The following OXSR1 variants were observed in gnomAD, a reference collection of about 807,000 sequenced individuals.
OXSR1 encodes the protein oxidative stress responsive kinase 1.
OXSR1 carries 24 observed loss-of-function variants against 79.8 expected under a neutral mutation model. The observed-to-expected ratio is 0.30, with a 90% CI of 0.22 to 0.42. The LOEUF (loss-of-function observed/expected upper bound fraction) is 0.42, where lower values mean the gene tolerates loss of function less well. Ranked by LOEUF, OXSR1 falls within the 10% of genes least tolerant of loss-of-function variation. The probability of loss-of-function intolerance (pLI) is 1.00; values close to 1 mark genes in which losing one functional copy is unlikely to be tolerated. For missense variants in OXSR1, 430 were observed against 618.4 expected (o/e 0.70, Z 3.23); for synonymous variants, 226 against 209.2 (o/e 1.08, Z -0.69).
At chr3:38,242,505 G>A (rs1011964099) in intron 11 of OXSR1, among the ~76,000 whole-genome samples, 3 of 152,034 alleles carry the variant, frequency 2.0e-5, no homozygotes, top group South Asian at 2.1e-4. Flanking sequence ...TTTAAAATAC[G>A]GAATTTTAAA....
chr3:38,255,276 C>T lies in OXSR1; in HGVS notation c.*2385C>T, dbSNP rs1187381912. The T allele has an allele frequency of 6.6e-6, 1 of 152,506 alleles. No homozygotes were observed. Among genetic ancestry groups the T allele is most frequent in the African/African-American group, 2.4e-5 (1 of 41,404 alleles). 9.4% of individuals were successfully genotyped at this position (152,506 alleles called of 1,614,324 possible). A position where few individuals can be genotyped will look rare whatever the true frequency, so the allele number is the denominator to read the frequency against. ...GACTAAAGGATTTGTTGGGTTTTTG[C>T]TTAAGTTTTGAACCAAATCCTAGAG... On this transcript the variant is annotated 3_prime_UTR_variant, in exon 18 of 18. Transcript: ENST00000311806.
At chr3:38,179,057 G>T (rs1325089246) in intron 1 of OXSR1, among the ~76,000 whole-genome samples, 2 of 147,188 alleles carry the variant, frequency 1.4e-5, no homozygotes, top group Non-Finnish European at 3.0e-5. Context: ...TTGAGACAGG[G>T]TCCTGCTTTG....
At chr3:38,227,091 C>G (rs1702704050) in intron 8 of OXSR1, among the ~76,000 whole-genome samples, 1 of 152,118 alleles carries the variant, frequency 6.6e-6, no homozygotes, top group Non-Finnish European at 1.5e-5. Flanking sequence ...AAAATCTATT[C>G]CAGTTTGTAA....
chr3:38,195,856 A>G (rs955149829), intron 3 of OXSR1, among the ~76,000 whole-genome samples: 3 of 152,216 alleles, frequency 2.0e-5, no homozygotes, highest in African/African-American at 7.2e-5. Context: ...TTTTTTGGGA[A>G]TAGATGATCT....
At chr3:38,225,233 C>T (rs1040867984) in intron 8 of OXSR1, among the ~76,000 whole-genome samples, 21 of 152,058 alleles carry the variant, frequency 1.4e-4, no homozygotes, top group South Asian at 2.1e-4. Flanking sequence ...TAAGCAGAAT[C>T]GTAGAATGTT....
Position 38,232,945 on chromosome 3 carries a change from T to C in OXSR1, c.951+2515T>C, listed in dbSNP as rs142201896. Among the ~76,000 whole-genome samples, 395 of 152,188 alleles carry C rather than the reference T, an allele frequency of 2.6e-3. 4 individuals carry two copies. The highest frequency in any genetic ancestry group is 0.01 in the Middle Eastern group (3 of 294). ...ATTAAGAAAAGCTTGAAAGCTACCA[T>C]ATACAACAGAACCCTGAAAGGTAAG... On this transcript the variant is annotated intron_variant, in intron 10 of 17. Transcript: ENST00000311806.
chr3:38,232,226 C>T (rs755225194), intron 10 of OXSR1, among the ~76,000 whole-genome samples: 1 of 151,548 alleles, frequency 6.6e-6, no homozygotes, highest in Non-Finnish European at 1.5e-5. Context: ...TCAAGGCTAG[C>T]CTGAGCAACA....
At chr3:38,217,129 C>T (rs1456865460) in intron 5 of OXSR1, among the ~76,000 whole-genome samples, 3 of 152,148 alleles carry the variant, frequency 2.0e-5, no homozygotes, top group Non-Finnish European at 1.5e-5. Flanking sequence ...ATAGGCACTT[C>T]CCAAATGAAG....
intron 15 of OXSR1, among the ~76,000 whole-genome samples, chr3:38,250,780 T>A (rs948442608): frequency 6.6e-6 from 1 of 152,196 alleles, no homozygotes; most frequent in Admixed American, 6.5e-5. Flanking sequence ...TAATTCAAAT[T>A]GCTGGTTGCC....
At chr3:38,206,244 T>C (rs1288997981) in intron 4 of OXSR1, among the ~76,000 whole-genome samples, 7 of 152,130 alleles carry the variant, frequency 4.6e-5, no homozygotes, top group African/African-American at 1.7e-4. Flanking sequence ...GGTCTAGAGT[T>C]TTTCAGTGGC....
At chr3:38,210,447 A>T (rs1430900853) in intron 4 of OXSR1, among the ~76,000 whole-genome samples, 1 of 152,086 alleles carries the variant, frequency 6.6e-6, no homozygotes, top group Non-Finnish European at 1.5e-5. Flanking sequence ...CAAATTGGTT[A>T]CTTTTTTCTT....
intron 1 of OXSR1, among the ~76,000 whole-genome samples, chr3:38,166,831 C>T (rs1575298348): frequency 6.7e-6 from 1 of 149,436 alleles, no homozygotes; most frequent in Non-Finnish European, 1.5e-5. Flanking sequence ...GAGGCTTTGG[C>T]AAGTGCCATG....
chr3:38,205,619 C>T (rs1004706688), intron 4 of OXSR1, among the ~76,000 whole-genome samples: 4 of 152,286 alleles, frequency 2.6e-5, no homozygotes, highest in African/African-American at 4.8e-5. Context: ...CCTGCTGGTC[C>T]GCCTTCAGAA....
chr3:38,236,417 A>G (rs1433080966), intron 10 of OXSR1, among the ~76,000 whole-genome samples: 1 of 152,212 alleles, frequency 6.6e-6, no homozygotes, highest in Non-Finnish European at 1.5e-5. Context: ...TTAACAAAAC[A>G]TGCACAGCTC....
At chr3:38,181,450 G>T (rs1165659864) in intron 1 of OXSR1, among the ~76,000 whole-genome samples, 1 of 150,552 alleles carries the variant, frequency 6.6e-6, no homozygotes, top group Non-Finnish European at 1.5e-5. Context: ...CCGCCTCCCA[G>T]GTTCAAGTCA....
chr3:38,172,851 C>G (rs1210822351), intron 1 of OXSR1, among the ~76,000 whole-genome samples: 2 of 152,290 alleles, frequency 1.3e-5, no homozygotes, highest in African/African-American at 2.4e-5. Context: ...CCTTTTTCCC[C>G]CTTATATAAC....
At chr3:38,174,620 G>T (rs962495744) in intron 1 of OXSR1, among the ~76,000 whole-genome samples, 2 of 152,096 alleles carry the variant, frequency 1.3e-5, no homozygotes, top group African/African-American at 4.8e-5. Flanking sequence ...GCAATATGAA[G>T]AATAGTTTTA....
At chr3:38,193,350 A>C (rs1419787236) in intron 3 of OXSR1, 1 of 1,288,650 alleles carries the variant, frequency 7.8e-7, no homozygotes, top group Non-Finnish European at 1.0e-6. Context: ...AGCTTTGCTA[A>C]CACCAACCAC....
chr3:38,164,920 C>T (rs1033227651), upstream of OXSR1, among the ~76,000 whole-genome samples: 1 of 152,196 alleles, frequency 6.6e-6, no homozygotes, highest in Non-Finnish European at 1.5e-5. Context: ...GGCCCAAGGC[C>T]TTTTATCCTA....
Sources: allele counts gnomAD v4.1 joint callset (sites outside exome capture counted in the v4.1 genomes callset), GRCh38; gene constraint gnomAD v4.1.1; transcripts MANE v1.5; gene names NCBI Gene and HGNC (gene_info 2026-07-23, HGNC 2026-07-21).